EMP2: variants seen among roughly 807,000 people sequenced by gnomAD.
EMP2 encodes the protein epithelial membrane protein 2.
In EMP2, 19 loss-of-function variants were observed where a neutral mutation model predicts 13.7. That is an observed-to-expected ratio of 1.38 (90% CI 0.97 to 2.03). The LOEUF is 2.03. Ranked by LOEUF, EMP2 falls within the 30% of genes most tolerant of loss-of-function variation. EMP2 has a pLI of 0.00. For missense variants in EMP2, 253 were observed against 220.7 expected (o/e 1.15, Z -0.93); for synonymous variants, 97 against 84.7 (o/e 1.15, Z -0.80).
chr16:10,534,674 G>C (rs767470190), intron 4 of EMP2, among the ~76,000 whole-genome samples: 1 of 152,234 alleles, frequency 6.6e-6, no homozygotes, highest in African/African-American at 2.4e-5. Flanking sequence ...GCTGCGGCAG[G>C]AGAATCGCCT....
At chr16:10,552,196 T>C (rs1264423246) in intron 1 of EMP2, among the ~76,000 whole-genome samples, 1 of 151,866 alleles carries the variant, frequency 6.6e-6, no homozygotes, top group African/African-American at 2.4e-5. Context: ...GAATGCCCTG[T>C]TACTTTAACA....
intron 1 of EMP2, among the ~76,000 whole-genome samples, chr16:10,571,919 G>C (rs1441052550): frequency 6.6e-6 from 1 of 152,206 alleles, no homozygotes; most frequent in Admixed American, 6.5e-5. Context: ...GTCCACTGCT[G>C]TCAGCCTCTC....
Position 10,562,378 on chromosome 16 carries a change from C to CTCTCTA in EMP2, c.-60-14702_-60-14701insTAGAGA, listed in dbSNP as rs1312547668. On this transcript the variant is annotated intron_variant, in intron 1 of 4. Transcript: ENST00000359543. ...TCTCTCTCTCTCTCTCTCTCTCTCT[C>CTCTCTA]TCTATCTATCTCTCTCTCTCTATCT... Among the ~76,000 whole-genome samples, 578 of 135,204 alleles carry CTCTCTA rather than the reference C, an allele frequency of 4.3e-3. 2 individuals carry two copies. The highest frequency in any genetic ancestry group is 0.013 in the South Asian group (53 of 4,102). The allele number at this position is 135,204 out of a possible 152,430, so 88.7% of individuals were successfully genotyped here.
chr16:10,555,081 T>C (rs2050817369), intron 1 of EMP2, among the ~76,000 whole-genome samples: 1 of 152,170 alleles, frequency 6.6e-6, no homozygotes, highest in South Asian at 2.1e-4. Flanking sequence ...AAAGCCCTAT[T>C]GTCCAGAGGT....
rs149280884 is a variant in EMP2, at chr16:10,567,804, G to A, written c.-61+12745C>T. ...TGTACATGGACTCCCGCTGTGAGCA[G>A]CATGAAATACCACTAAAGCAAGGGG... On this transcript the variant is annotated intron_variant, in intron 1 of 4. Coordinates refer to ENST00000359543, the MANE Select transcript of EMP2 (RefSeq NM_001424.6). Among the ~76,000 whole-genome samples, 39 of 152,334 alleles carry A rather than the reference G, an allele frequency of 2.6e-4. No homozygotes were observed. The East Asian group carries it at 6.6e-3, about 26-fold the overall frequency.
chr16:10,543,482 G>A (rs1406212151), intron 3 of EMP2, 88 bp downstream of exon 3: 4 of 1,422,572 alleles, frequency 2.8e-6, no homozygotes, highest in African/African-American at 2.8e-5. Context: ...GGAGGAGAGG[G>A]TACGGAGTCG....
intron 4 of EMP2, among the ~76,000 whole-genome samples, chr16:10,536,239 A>G (rs1247302973): frequency 6.6e-6 from 1 of 152,046 alleles, no homozygotes; most frequent in Non-Finnish European, 1.5e-5. Flanking sequence ...TTTATTTTAT[A>G]TTGTATTTTA....
intron 1 of EMP2, among the ~76,000 whole-genome samples, chr16:10,562,725 T>C (rs917214176): frequency 6.6e-6 from 1 of 152,352 alleles, no homozygotes; most frequent in Admixed American, 6.5e-5. Context: ...GTATTAGATT[T>C]AGAGTTCCTC....
chr16:10,558,705 A>G (rs2050850489), intron 1 of EMP2, among the ~76,000 whole-genome samples: 1 of 151,780 alleles, frequency 6.6e-6, no homozygotes, highest in Admixed American at 6.6e-5. Context: ...CATAATAACC[A>G]CGAATCTCCA....
chr16:10,555,454 C>T (rs1182644292), intron 1 of EMP2, among the ~76,000 whole-genome samples: 4 of 152,112 alleles, frequency 2.6e-5, no homozygotes, highest in African/African-American at 9.7e-5. Context: ...CTATGATTTG[C>T]AGAACTTCTC....
chr16:10,562,073 G>C (rs1324928360), intron 1 of EMP2, among the ~76,000 whole-genome samples: 1 of 152,092 alleles, frequency 6.6e-6, no homozygotes, highest in East Asian at 1.9e-4. Context: ...CATTCTGTGA[G>C]GCCAGCATTG....
chr16:10,552,293 A>G (rs922128724), intron 1 of EMP2, among the ~76,000 whole-genome samples: 1 of 152,214 alleles, frequency 6.6e-6, no homozygotes. Flanking sequence ...CTGGGATGAC[A>G]CAAATGCATA....
chr16:10,549,651 G>A (rs1256787166), intron 1 of EMP2, among the ~76,000 whole-genome samples: 3 of 151,934 alleles, frequency 2.0e-5, no homozygotes, highest in African/African-American at 7.3e-5. Context: ...GAAGTACAGT[G>A]CGAATCAGAC....
At chr16:10,566,222 T>C (rs937494937) in intron 1 of EMP2, among the ~76,000 whole-genome samples, 1 of 152,228 alleles carries the variant, frequency 6.6e-6, no homozygotes, top group Non-Finnish European at 1.5e-5. Context: ...TTCATAATTG[T>C]CCTTAACCCA....
At chr16:10,534,113 CAA>C (rs150563792) in intron 4 of EMP2, among the ~76,000 whole-genome samples, 1 of 141,012 alleles carries the variant, frequency 7.1e-6, no homozygotes, top group Admixed American at 7.1e-5. Context: ...AACTTCCTCT[CAA>C]AAAAAAAAAG....
intron 1 of EMP2, among the ~76,000 whole-genome samples, chr16:10,558,817 C>T (rs1422683515): frequency 1.3e-5 from 2 of 152,094 alleles, no homozygotes; most frequent in Non-Finnish European, 2.9e-5. Context: ...CAGCTGGCTT[C>T]CCGCGGAGAG....
intron 1 of EMP2, among the ~76,000 whole-genome samples, chr16:10,566,808 G>A (rs2050909698): frequency 6.6e-6 from 1 of 152,078 alleles, no homozygotes; most frequent in Admixed American, 6.5e-5. Flanking sequence ...CACTGTGGGA[G>A]GACAGAAAGA....
At chr16:10,562,665 G>A (rs1017828659) in intron 1 of EMP2, among the ~76,000 whole-genome samples, 2 of 152,108 alleles carry the variant, frequency 1.3e-5, no homozygotes, top group South Asian at 4.1e-4. Flanking sequence ...TTACATTCTG[G>A]GGTGGTTTGT....
chr16:10,549,435 T>C (rs74822088), intron 1 of EMP2, among the ~76,000 whole-genome samples: 2,686 of 152,210 alleles, frequency 0.018, 60 homozygotes, highest in African/African-American at 0.06. Flanking sequence ...CTGGGAAAAA[T>C]TGATAAAATC....
Sources: allele counts gnomAD v4.1 joint callset (sites outside exome capture counted in the v4.1 genomes callset), GRCh38; gene constraint gnomAD v4.1.1; transcripts MANE v1.5; gene names NCBI Gene and HGNC (gene_info 2026-07-23, HGNC 2026-07-21).